Variants in RNF207 observed in about 807,000 individuals in gnomAD.
RNF207 encodes the protein OTTHUMG00000001089.
Under a neutral mutation model 79.0 loss-of-function variants are expected in RNF207, and 72 were observed. The ratio of observed to expected loss-of-function variants is 0.91; its 90% confidence interval spans 0.75 to 1.11. The LOEUF (loss-of-function observed/expected upper bound fraction) is 1.11, where lower values mean the gene tolerates loss of function less well. Ranked by LOEUF, RNF207 falls within the 50% of genes least tolerant of loss-of-function variation. The pLI, the probability that RNF207 is intolerant of heterozygous loss-of-function variation, is 0.00. For synonymous variants in RNF207, 348 were observed against 366.2 expected (o/e 0.95, Z 0.57); for missense variants, 936 against 855.8 (o/e 1.09, Z -1.17).
chr1:6,219,205 G>T, intron 17 of RNF207, 31 bp from the exon 18 acceptor site: 1 of 1,575,492 alleles, frequency 6.3e-7, no homozygotes, highest in South Asian at 1.2e-5. Flanking sequence ...ATGGGGGAGC[G>T]GGCTGGGCTT....
chr1:6,219,268 A>T lies in RNF207; in HGVS notation c.1766A>T (p.Glu589Val), dbSNP rs1385561517. The change falls in exon 18 of 18, where the codon GAG becomes GTG. Residue 589 changes from glutamate (E) to valine (V), a missense_variant. Glu to Val is a moderately radical substitution (Grantham distance 121). Coordinates refer to ENST00000377939, the MANE Select transcript of RNF207 (RefSeq NM_207396.3). ...NNPGSVPEKR[E>V]KTSEPKGNSW... ...CCAGGAAGTGTCCCGGAAAAGAGAG[A>T]GAAGACATCAGAGCCTAAAGGAAAC... 1 of 1,612,470 alleles carries T rather than the reference A, an allele frequency of 6.2e-7. No homozygotes were observed. The highest frequency in any genetic ancestry group is 1.7e-5 in the Admixed American group (1 of 59,602).
rs752092501 is a variant in RNF207, at chr1:6,208,930, C to A, written c.374C>A (p.Ala125Glu). 2 of 1,534,736 alleles carry A rather than the reference C, an allele frequency of 1.3e-6. No homozygotes were observed. The highest frequency in any genetic ancestry group is 8.7e-7 in the Non-Finnish European group (1 of 1,145,554). Residue 125 changes from alanine to glutamate, a missense_variant, in exon 4 of 18, where the codon GCG (alanine) becomes GAG (glutamate). Coordinates refer to ENST00000377939, the MANE Select transcript of RNF207 (RefSeq NM_207396.3). The part of the protein sequence containing the change: ...FCNTCGQPLC[A>E]RCRDETHRAR... The stretch of plus-strand genomic sequence containing the variant: ...AACACGTGCGGACAGCCCCTATGCG[C>A]GCGCTGCCGCGACGAGACGCACCGA...
rs200190488 is a variant in RNF207, at chr1:6,212,005, G to C, written c.1248G>C (p.Glu416Asp). ...ISTKVLLAEG[E>D]NTPFAEHCRH... ...CCAAGGTGCTGCTGGCGGAGGGCGAGAACACGCCCTTCGCAGAGCACTGCC... is the reference window on the plus strand; with the variant it reads ...CCAAGGTGCTGCTGGCGGAGGGCGACAACACGCCCTTCGCAGAGCACTGCC... The change falls in exon 13 of 18, where the codon GAG (glutamate) becomes GAC (aspartate). Residue 416 changes from glutamate to aspartate, a missense_variant. Coordinates refer to ENST00000377939, the MANE Select transcript of RNF207 (RefSeq NM_207396.3). The C allele has an allele frequency of 2.5e-4, 404 of 1,592,576 alleles. 4 individuals are homozygous for C. The African/African-American group carries it at 4.7e-3, about 19-fold the overall frequency.
intron 7 of RNF207, 80 bp from the exon 8 acceptor site, chr1:6,209,844 G>A: frequency 1.4e-6 from 2 of 1,440,176 alleles, no homozygotes; most frequent in Non-Finnish European, 1.9e-6. Flanking sequence ...CCAGCAGGTG[G>A]CTGGGGTCCG....
rs748505036 is a variant in RNF207 at position 6,211,164 on chromosome 1, G to A, written c.1109+46G>A. 1 of 1,350,614 alleles carries A rather than the reference G, an allele frequency of 7.4e-7. No homozygotes were observed. The highest frequency in any genetic ancestry group is 1.0e-6 in the Non-Finnish European group (1 of 984,464). 83.7% of individuals were successfully genotyped at this position (1,350,614 alleles called of 1,614,324 possible). ...CCAGGCACAAGGTCCCCAACACTGG[G>A]GTGTGGGGGAGGGTGGGCGCTGAGG... On this transcript the variant is annotated intron_variant, in intron 12 of 17. Coordinates refer to ENST00000377939, the MANE Select transcript of RNF207 (RefSeq NM_207396.3). The surrounding 1 kb of genome is among the most constrained non-coding windows in gnomAD (Gnocchi z 4.2).
In RNF207 at chr1:6,207,745, C is replaced by G. The variant is rs1239677794; in HGVS notation, c.324+234C>G. On this transcript the variant is annotated intron_variant, in intron 3 of 17. Coordinates refer to ENST00000377939, the MANE Select transcript of RNF207 (RefSeq NM_207396.3). This position sits in a 1 kb window ranked among gnomAD's most constrained non-coding sequence, Gnocchi z 4.5. ...GACAGTGGCAGAGGCTAAGGCCATT[C>G]GATCTGGGGAGAGCTCACTGGTCCC... 2 of 686,674 alleles carry G rather than the reference C, an allele frequency of 2.9e-6. No homozygotes were observed. The highest frequency in any genetic ancestry group is 5.3e-6 in the Non-Finnish European group (2 of 375,780). 42.5% of individuals were successfully genotyped at this position (686,674 alleles called of 1,614,324 possible). A position where few individuals can be genotyped will look rare whatever the true frequency, so the allele number is the denominator to read the frequency against.
intron 16 of RNF207, among the ~76,000 whole-genome samples, chr1:6,216,742 T>A (rs1221313155): frequency 1.0e-4 from 15 of 148,910 alleles, no homozygotes; most frequent in South Asian, 4.3e-4. Context: ...TTTTTTTTTT[T>A]AATTTTTAGT....
rs1470784818 is a variant in RNF207 at position 6,217,618 on chromosome 1, C to A, written c.1653-671C>A. Among the ~76,000 whole-genome samples, 1 of 152,200 alleles carries A rather than the reference C, an allele frequency of 6.6e-6. No homozygotes were observed. Among genetic ancestry groups the A allele is most frequent in the Non-Finnish European group, 1.5e-5 (1 of 68,034 alleles). On this transcript the variant is annotated intron_variant, in intron 16 of 17. Coordinates refer to ENST00000377939, the MANE Select transcript of RNF207 (RefSeq NM_207396.3). The surrounding 1 kb of genome is among the most constrained non-coding windows in gnomAD (Gnocchi z 4.2). ...TGGGAGAAAGCCTGGATTCCTTTCA[C>A]CCACTTCATTTCCAACCCACCCCCA...
intron 16 of RNF207, among the ~76,000 whole-genome samples, chr1:6,214,636 T>C (rs1212049778): frequency 1.5e-5 from 2 of 134,960 alleles, no homozygotes; most frequent in Non-Finnish European, 1.6e-5. Flanking sequence ...CTTTCTTTTT[T>C]TTTTTTTTTT....
At position 6,219,296 on chromosome 1, in the gene RNF207, C is replaced by G; in HGVS notation, c.1794C>G (p.Ser598Arg). The G allele has an allele frequency of 6.2e-7, 1 of 1,613,562 alleles. No individual in the cohort carries two copies. Among genetic ancestry groups the G allele is most frequent in the South Asian group, 1.1e-5 (1 of 91,040 alleles). ...AGACATCAGAGCCTAAAGGAAACAG[C>G]TGGGCTCCGAACGGCCTCTCAGAAG... The part of the protein sequence containing the change: ...REKTSEPKGN[S>R]WAPNGLSEEP... Residue 598 changes from serine to arginine, a missense_variant, in exon 18 of 18, where the codon AGC becomes AGG. Physicochemically the swap from Ser to Arg is moderately radical, Grantham distance 110. Transcript: ENST00000377939.
At chr1:6,208,749 A>T in intron 3 of RNF207, 132 bp from the exon 4 acceptor site, 1 of 913,046 alleles carries the variant, frequency 1.1e-6, no homozygotes, top group Non-Finnish European at 1.6e-6. Flanking sequence ...CCTGGATTAC[A>T]GGAAAGGGCT....
chr1:6,210,633 G>T, intron 10 of RNF207, 195 bp downstream of exon 10: 2 of 628,342 alleles, frequency 3.2e-6, no homozygotes, highest in East Asian at 5.5e-5. Flanking sequence ...CCAGGAAGGG[G>T]GCATGAGCCT....
intron 16 of RNF207, among the ~76,000 whole-genome samples, chr1:6,215,491 A>G (rs1189664567): frequency 1.3e-5 from 2 of 151,802 alleles, no homozygotes; most frequent in Non-Finnish European, 2.9e-5. Context: ...TAAGTAGTTC[A>G]TTTCTGCTAT....
At chr1:6,218,428 G>C in intron 17 of RNF207, 59 bp downstream of exon 17, 1 of 1,278,156 alleles carries the variant, frequency 7.8e-7, no homozygotes, top group Non-Finnish European at 1.1e-6. Flanking sequence ...AGGCCAACAG[G>C]ACGACAAAGG....
chr1:6,209,346 G>A lies in RNF207; in HGVS notation c.627+3G>A. 1.3e-6 allele frequency: 2 copies of A among 1,541,136 alleles called. No homozygotes were observed. Among genetic ancestry groups the A allele is most frequent in the Non-Finnish European group, 8.7e-7 (1 of 1,145,352 alleles). On this transcript the variant is annotated splice_donor_region_variant and intron_variant, in intron 6 of 17. Coordinates refer to ENST00000377939, the MANE Select transcript of RNF207 (RefSeq NM_207396.3). ...AGCGGCTGGAGCAGGCGGTGCTGGT[G>A]AGCGCAGGGGCCTGGCGCGCGGGGC...
In RNF207 at chr1:6,211,875, G is replaced by T; in HGVS notation, c.1118G>T (p.Gly373Val). ...AAASGANTLA[G>V]GLGPKALTGP... The stretch of plus-strand genomic sequence containing the variant: ...ACTGGCTCTCTCCCCAGGCTGGCAG[G>T]GGGCTTAGGCCCCAAGGCGCTGACG... Residue 373 changes from glycine to valine, a missense_variant, in exon 13 of 18, where the codon GGG becomes GTG. Transcript: ENST00000377939. The surrounding 1 kb of genome is among the most constrained non-coding windows in gnomAD (Gnocchi z 4.2). 1 of 1,548,370 alleles carries T rather than the reference G, an allele frequency of 6.5e-7. No individual in the cohort carries two copies. Among genetic ancestry groups the T allele is most frequent in the East Asian group, 2.4e-5 (1 of 40,890 alleles).
intron 14 of RNF207, 58 bp downstream of exon 14, chr1:6,212,474 C>G (rs923562472): frequency 1.3e-6 from 2 of 1,501,808 alleles, no homozygotes. Context: ...CCTGGGCTAC[C>G]CTAAGACAGT....
chr1:6,207,406 C>T lies in RNF207; in HGVS notation c.219C>T (p.Ser73=), dbSNP rs747626099. The part of the protein sequence containing the change: ...CQHQTVLKGP[S]GLPPVDRLLQ... Reference sequence around the variant, plus strand: ...ACCAGACGGTGCTGAAGGGTCCCAGCGGGCTCCCGCCGGTGGACCGGCTGC... The same window carrying T: ...ACCAGACGGTGCTGAAGGGTCCCAGTGGGCTCCCGCCGGTGGACCGGCTGC... Residue 73 remains serine, a synonymous_variant, in exon 3 of 18, where the codon AGC becomes AGT. Coordinates refer to ENST00000377939, the MANE Select transcript of RNF207 (RefSeq NM_207396.3). The surrounding 1 kb of genome is among the most constrained non-coding windows in gnomAD (Gnocchi z 4.5). 7.8e-6 allele frequency: 12 copies of T among 1,545,300 alleles called. No individual in the cohort carries two copies. Among genetic ancestry groups the T allele is most frequent in the East Asian group, 2.3e-5 (1 of 44,158 alleles).
Position 6,206,578 on chromosome 1 carries a change from C to A in RNF207, c.43C>A (p.Leu15Met). The stretch of plus-strand genomic sequence containing the variant: ...CGGGCCCCTGGAGGGCCCGAGCTCC[C>A]TGGATGCCCCGAGCATCCACCCGCT... ...IFGPLEGPSSLDAPSIHPLVC... is the reference protein window; with the variant it reads ...IFGPLEGPSSMDAPSIHPLVC... Residue 15 changes from leucine to methionine, a missense_variant, in exon 2 of 18, where the codon CTG becomes ATG. Physicochemically the swap from Leu to Met is conservative, Grantham distance 15. Coordinates refer to ENST00000377939, the MANE Select transcript of RNF207 (RefSeq NM_207396.3). The A allele has an allele frequency of 6.2e-7, 1 of 1,601,852 alleles. No homozygotes were observed. Among genetic ancestry groups the A allele is most frequent in the Non-Finnish European group, 8.5e-7 (1 of 1,179,158 alleles).
Sources: allele counts gnomAD v4.1 joint callset (sites outside exome capture counted in the v4.1 genomes callset), GRCh38; gene constraint gnomAD v4.1.1; non-coding constraint Gnocchi (gnomAD v3.1); transcripts MANE v1.5; gene names NCBI Gene and HGNC (gene_info 2026-07-23, HGNC 2026-07-21).